HCRTR2: variants seen among roughly 807,000 people sequenced by gnomAD.
HCRTR2 encodes hypocretin receptor 2.
HCRTR2 carries 22 observed loss-of-function variants against 49.0 expected under a neutral mutation model. That is an observed-to-expected ratio of 0.45 (90% CI 0.32 to 0.64). HCRTR2 has a LOEUF of 0.64. Among genes scored for constraint, HCRTR2 ranks in the 30% least tolerant of loss-of-function variants. The pLI, the probability that HCRTR2 is intolerant of heterozygous loss-of-function variation, is 0.04. For synonymous variants in HCRTR2, 236 were observed against 205.3 expected, an observed-to-expected ratio of 1.15 and a Z score of -1.28; for missense variants, 491 against 559.4, an observed-to-expected ratio of 0.88 and a Z score of 1.23.
intron 1 of HCRTR2, among the ~76,000 whole-genome samples, chr6:55,243,928 GT>G (rs893146139): frequency 6.6e-6 from 1 of 152,096 alleles, no homozygotes; most frequent in Non-Finnish European, 1.5e-5. Context: ...GAAGCAGAAA[GT>G]TTTTTATTTT....
At chr6:55,217,917 A>G (rs1765818547) in intron 1 of HCRTR2, among the ~76,000 whole-genome samples, 1 of 152,180 alleles carries the variant, frequency 6.6e-6, no homozygotes, top group Non-Finnish European at 1.5e-5. Flanking sequence ...AGGGTTCTCC[A>G]GAGAGACAAA....
At position 55,213,661 on chromosome 6, in the gene HCRTR2, G is replaced by A. The variant is rs147309831; in HGVS notation, c.224-34978G>A. On this transcript the variant is annotated intron_variant, in intron 1 of 6. Transcript: ENST00000370862. ...ACAGTGCAATCTAGAAGAAATTCTT[G>A]GCTCCTGACTACTTTCTTGGAAAAG... 1.3e-3 allele frequency among the ~76,000 whole-genome samples: 204 copies of A among 152,142 alleles called. 1 individual carries two copies. The highest frequency in any genetic ancestry group is 4.3e-3 in the African/African-American group (180 of 41,510).
chr6:55,245,219 G>A lies in HCRTR2; in HGVS notation c.224-3420G>A, dbSNP rs1484991518. Among the ~76,000 whole-genome samples, 5 of 151,332 alleles carry A rather than the reference G, an allele frequency of 3.3e-5. No homozygotes were observed. In the East Asian group the frequency reaches 7.8e-4, roughly 24 times the overall value. ...ACCACACTTAAGATATGTTTAAACGGCACAGTAATATTATCTAACACAAAC... is the reference window on the plus strand; with the variant it reads ...ACCACACTTAAGATATGTTTAAACGACACAGTAATATTATCTAACACAAAC... On this transcript the variant is annotated intron_variant, in intron 1 of 6. Transcript: ENST00000370862.
intron 1 of HCRTR2, among the ~76,000 whole-genome samples, chr6:55,204,409 A>C (rs1765564661): frequency 6.6e-6 from 1 of 152,146 alleles, no homozygotes; most frequent in Non-Finnish European, 1.5e-5. Flanking sequence ...AATAGTGTTC[A>C]TTGGTATCAC....
chr6:55,135,491 C>T (rs1030182635), intron 1 of HCRTR2, among the ~76,000 whole-genome samples: 3 of 152,002 alleles, frequency 2.0e-5, no homozygotes, highest in Non-Finnish European at 4.4e-5. Context: ...CCCAAAAACC[C>T]ATTTATCTCT....
rs533993871 is a variant in HCRTR2, at chr6:55,207,138, A to G, written c.223+32328A>G. 2.6e-5 allele frequency among the ~76,000 whole-genome samples: 4 copies of G among 152,252 alleles called. No homozygotes were observed. The South Asian group carries it at 8.3e-4, about 32-fold the overall frequency. ...GGAAATTCATAGATTATTGAGATGG[A>G]GTCTCGTTGCTATGCATTGTAGCAA... is the stretch of plus-strand genomic sequence containing the variant. On this transcript the variant is annotated intron_variant, in intron 1 of 6. Coordinates refer to ENST00000370862, the MANE Select transcript of HCRTR2 (RefSeq NM_001384272.1).
At chr6:55,275,917 A>G (rs1414140735) in intron 4 of HCRTR2, among the ~76,000 whole-genome samples, 3 of 151,938 alleles carry the variant, frequency 2.0e-5, no homozygotes, top group Admixed American at 6.6e-5. Flanking sequence ...CTTCAGGGGA[A>G]CAGTCAGTGA....
rs1400017175 is a variant in HCRTR2 at position 55,252,633 on chromosome 6, A to G, written c.403-2503A>G. ...GATACTGGTTTGAGAAAGAGAGTTG[A>G]AGGTACCCTCAGGTAGCACTAAGAA... is the stretch of plus-strand genomic sequence containing the variant. On this transcript the variant is annotated intron_variant, in intron 2 of 6. Transcript: ENST00000370862. 2.6e-5 allele frequency among the ~76,000 whole-genome samples: 4 copies of G among 152,040 alleles called. No individual in the cohort carries two copies. In the East Asian group the frequency reaches 7.7e-4, roughly 29 times the overall value.
chr6:55,220,369 T>C (rs1765868436), intron 1 of HCRTR2, among the ~76,000 whole-genome samples: 1 of 152,186 alleles, frequency 6.6e-6, no homozygotes, highest in Non-Finnish European at 1.5e-5. Context: ...GTGACCAAGT[T>C]GAATTTATCT....
chr6:55,252,977 G>A (rs1766581494), intron 2 of HCRTR2, among the ~76,000 whole-genome samples: 1 of 151,944 alleles, frequency 6.6e-6, no homozygotes, highest in Non-Finnish European at 1.5e-5. Flanking sequence ...CAATTCCATG[G>A]TTAGGTACTA....
intron 1 of HCRTR2, among the ~76,000 whole-genome samples, chr6:55,205,166 T>C (rs946228786): frequency 6.6e-6 from 1 of 152,194 alleles, no homozygotes; most frequent in Non-Finnish European, 1.5e-5. Context: ...AATGGAGTTT[T>C]CTAGAGAAGT....
intron 1 of HCRTR2, among the ~76,000 whole-genome samples, chr6:55,136,482 A>G (rs902973250): frequency 3.3e-5 from 5 of 152,208 alleles, no homozygotes; most frequent in African/African-American, 1.2e-4. Flanking sequence ...ACAATTACAA[A>G]AGAATAAAAA....
chr6:55,205,556 T>C (rs1239484665), intron 1 of HCRTR2, among the ~76,000 whole-genome samples: 1 of 152,044 alleles, frequency 6.6e-6, no homozygotes, highest in African/African-American at 2.4e-5. Context: ...AGAAAGTAAG[T>C]AGAGTGAATT....
intron 1 of HCRTR2, among the ~76,000 whole-genome samples, chr6:55,204,436 C>T (rs1388899416): frequency 6.6e-6 from 1 of 152,082 alleles, no homozygotes; most frequent in African/African-American, 2.4e-5. Context: ...AATAAATTAC[C>T]TTTACTTGAA....
At chr6:55,201,645 T>C (rs1425277650) in intron 1 of HCRTR2, among the ~76,000 whole-genome samples, 1 of 152,160 alleles carries the variant, frequency 6.6e-6, no homozygotes, top group Non-Finnish European at 1.5e-5. Flanking sequence ...GTGGAAAAGG[T>C]TAAGCAAAAC....
intron 1 of HCRTR2, among the ~76,000 whole-genome samples, chr6:55,122,483 A>T (rs964134001): frequency 6.6e-6 from 1 of 151,952 alleles, no homozygotes; most frequent in Non-Finnish European, 1.5e-5. Flanking sequence ...CTCTGACTTT[A>T]GTTATCTCTT....
rs187143667 is a variant in HCRTR2, at chr6:55,231,475, T to G, written c.224-17164T>G. On this transcript the variant is annotated intron_variant, in intron 1 of 6. Coordinates refer to ENST00000370862, the MANE Select transcript of HCRTR2 (RefSeq NM_001384272.1). ...AACGGAATATCTGAAAGTGTTCCAC[T>G]TATTTATTTCTAATTTTAACTATGG... Among the ~76,000 whole-genome samples the G allele has an allele frequency of 3.9e-5, 6 of 152,246 alleles. No individual in the cohort carries two copies. In the East Asian group the frequency reaches 7.7e-4, roughly 20 times the overall value.
intron 1 of HCRTR2, among the ~76,000 whole-genome samples, chr6:55,111,340 T>C (rs968499695): frequency 1.4e-5 from 2 of 138,092 alleles, no homozygotes; most frequent in African/African-American, 2.5e-5. Context: ...CTGAATGAAA[T>C]TGAAACAAAA....
At chr6:55,156,357 A>G (rs967574187) in intron 1 of HCRTR2, among the ~76,000 whole-genome samples, 7 of 152,088 alleles carry the variant, frequency 4.6e-5, no homozygotes, top group Non-Finnish European at 1.0e-4. Flanking sequence ...TAAAGAACAC[A>G]TAATAATCTT....
Sources: allele counts gnomAD v4.1 joint callset (sites outside exome capture counted in the v4.1 genomes callset), GRCh38; gene constraint gnomAD v4.1.1; transcripts MANE v1.5; gene names NCBI Gene and HGNC (gene_info 2026-07-23, HGNC 2026-07-21).